Variants in ARAP2 observed in about 807,000 individuals in gnomAD.
ARAP2 encodes ArfGAP with RhoGAP domain, ankyrin repeat and PH domain 2, also known as arf-GAP with Rho-GAP domain, ANK repeat and PH domain-containing protein 2.
ARAP2 carries 148 observed loss-of-function variants against 194.5 expected under a neutral mutation model. That is an observed-to-expected ratio of 0.76 (90% CI 0.67 to 0.87). The LOEUF (loss-of-function observed/expected upper bound fraction) is 0.87, where lower values mean the gene tolerates loss of function less well. ARAP2 is among the 40% of genes least tolerant of loss of function. ARAP2 has a pLI of 0.00. For missense variants in ARAP2, 2,128 were observed against 1,989.7 expected (o/e 1.07, Z -1.32); for synonymous variants, 695 against 683.5 (o/e 1.02, Z -0.26).
chr4:36,237,682 T>C (rs1752701645), intron 1 of ARAP2, among the ~76,000 whole-genome samples: 1 of 152,196 alleles, frequency 6.6e-6, no homozygotes, highest in East Asian at 1.9e-4. Flanking sequence ...TCCATGCTTG[T>C]ACAGCCTGCA....
chr4:36,145,649 C>T (rs1729458630), intron 19 of ARAP2, among the ~76,000 whole-genome samples: 1 of 151,922 alleles, frequency 6.6e-6, no homozygotes, highest in Non-Finnish European at 1.5e-5. Flanking sequence ...TGCAACAAAC[C>T]TGCACATATG....
intron 5 of ARAP2, among the ~76,000 whole-genome samples, chr4:36,025,479 T>C (rs941826089): frequency 2.6e-5 from 4 of 152,128 alleles, no homozygotes; most frequent in African/African-American, 7.2e-5. Flanking sequence ...TGGCGTGGAA[T>C]TGATTATTTT....
intron 9 of ARAP2, among the ~76,000 whole-genome samples, chr4:36,169,278 C>T (rs367909354): frequency 1.2e-4 from 19 of 152,232 alleles, no homozygotes; most frequent in East Asian, 3.9e-4. Context: ...TATTCTCTGA[C>T]GGGGGCCTGG....
chr4:36,144,748 C>T (rs369467303), intron 19 of ARAP2, among the ~76,000 whole-genome samples: 5 of 151,712 alleles, frequency 3.3e-5, no homozygotes, highest in South Asian at 4.1e-4. Context: ...ATTTTTATAT[C>T]GCAGTTAAAC....
rs59743941 is a variant in ARAP2, at chr4:36,101,417, T to C, written c.4285+6148A>G. 1.0e-3 allele frequency among the ~76,000 whole-genome samples: 154 copies of C among 152,028 alleles called. 1 individual carries two copies. The East Asian group carries it at 0.025, about 24-fold the overall frequency. On this transcript the variant is annotated intron_variant, in intron 27 of 32. Coordinates refer to ENST00000303965, the MANE Select transcript of ARAP2 (RefSeq NM_015230.4). ...CAGAGTTTTTTTTTTTTTGCTATTT[T>C]ACTACTAATGCAGCAAATTGCAGAA...
chr4:36,077,868 C>A (rs186508067), intron 31 of ARAP2, among the ~76,000 whole-genome samples: 164 of 152,260 alleles, frequency 1.1e-3, no homozygotes, highest in African/African-American at 3.8e-3. Flanking sequence ...TCAGGACATA[C>A]CCTGCTGGCC....
At chr4:36,200,308 T>C (rs954304833) in intron 6 of ARAP2, among the ~76,000 whole-genome samples, 32 of 151,966 alleles carry the variant, frequency 2.1e-4, no homozygotes, top group Non-Finnish European at 4.6e-4. Context: ...CAGGCTGGAG[T>C]GCAATGGTGC....
At chr4:36,218,075 T>G (rs1691673601) in intron 2 of ARAP2, among the ~76,000 whole-genome samples, 2 of 152,148 alleles carry the variant, frequency 1.3e-5, no homozygotes, top group African/African-American at 4.8e-5. Context: ...TCGTGATTTA[T>G]TATATAGCTG....
At chr4:36,052,736 G>T (rs1318314176) in intron 2 of ARAP2, among the ~76,000 whole-genome samples, 1 of 152,100 alleles carries the variant, frequency 6.6e-6, no homozygotes, top group Non-Finnish European at 1.5e-5. Context: ...AGGCCGAGGC[G>T]GGCGGATCAC....
chr4:36,155,745 C>T (rs957104601), intron 15 of ARAP2, among the ~76,000 whole-genome samples: 1 of 151,762 alleles, frequency 6.6e-6, no homozygotes, highest in African/African-American at 2.4e-5. Flanking sequence ...TCACTGCACG[C>T]TCTGCCTCCC....
intron 11 of ARAP2, among the ~76,000 whole-genome samples, chr4:36,162,562 G>A (rs1303769564): frequency 2.0e-5 from 3 of 149,710 alleles, no homozygotes; most frequent in East Asian, 2.0e-4. Flanking sequence ...AATGAACAAC[G>A]AATGTTCATT....
At chr4:36,013,452 A>G (rs1398586043) in intron 8 of ARAP2, among the ~76,000 whole-genome samples, 1 of 152,228 alleles carries the variant, frequency 6.6e-6, no homozygotes, top group Non-Finnish European at 1.5e-5. Flanking sequence ...TGCCTAAATG[A>G]CACTTGAAAT....
intron 28 of ARAP2, among the ~76,000 whole-genome samples, chr4:36,090,612 A>G (rs1204212800): frequency 6.6e-6 from 1 of 152,158 alleles, no homozygotes; most frequent in Non-Finnish European, 1.5e-5. Flanking sequence ...CCTTTGCAAG[A>G]ACATGGATAG....
chr4:36,131,288 T>C (rs903485348), intron 20 of ARAP2, among the ~76,000 whole-genome samples: 1 of 151,116 alleles, frequency 6.6e-6, no homozygotes, highest in African/African-American at 2.4e-5. Context: ...GCCCAATATG[T>C]GATTATGTAT....
chr4:36,173,207 C>CA (rs1737043680), intron 9 of ARAP2, among the ~76,000 whole-genome samples: 2 of 152,224 alleles, frequency 1.3e-5, no homozygotes, highest in South Asian at 2.1e-4. Flanking sequence ...GACGGGCTGT[C>CA]AGGACAACAG....
intron 22 of ARAP2, among the ~76,000 whole-genome samples, chr4:36,122,486 C>T (rs966724750): frequency 7.2e-5 from 11 of 151,742 alleles, no homozygotes; most frequent in African/African-American, 2.4e-4. Context: ...GAGCTGGAGG[C>T]CAATATCCTT....
chr4:36,111,678 A>C, intron 26 of ARAP2, among the ~76,000 whole-genome samples: 1 of 152,034 alleles, frequency 6.6e-6, no homozygotes, highest in East Asian at 1.9e-4. Flanking sequence ...ACTAATTATC[A>C]CATTCAAGTT....
intron 23 of ARAP2, among the ~76,000 whole-genome samples, chr4:36,120,113 C>T (rs929864323): frequency 6.6e-6 from 1 of 151,378 alleles, no homozygotes; most frequent in African/African-American, 2.4e-5. Context: ...ATGAAGATAA[C>T]CATTTTATTA....
chr4:36,073,272 C>A (rs1184416663), intron 32 of ARAP2, among the ~76,000 whole-genome samples: 2 of 151,920 alleles, frequency 1.3e-5, no homozygotes, highest in African/African-American at 4.8e-5. Flanking sequence ...ACTGAGAGAC[C>A]CCATCAGTTC....
Sources: allele counts gnomAD v4.1 joint callset (sites outside exome capture counted in the v4.1 genomes callset), GRCh38; gene constraint gnomAD v4.1.1; transcripts MANE v1.5; gene names NCBI Gene and HGNC (gene_info 2026-07-23, HGNC 2026-07-21).